The following LINGO2 variants were observed in gnomAD, a reference collection of about 807,000 sequenced individuals.
LINGO2 encodes leucine-rich repeat and immunoglobulin-like domain-containing nogo receptor-interacting protein 2.
In LINGO2, 14 loss-of-function variants were observed where a neutral mutation model predicts 30.6. That is an observed-to-expected ratio of 0.46 (90% CI 0.30 to 0.72). The LOEUF (loss-of-function observed/expected upper bound fraction) is 0.72. Among genes scored for constraint, LINGO2 ranks in the 30% least tolerant of loss-of-function variants. The probability of loss-of-function intolerance (pLI) is 0.07; values close to 1 mark genes in which losing one functional copy is unlikely to be tolerated. For missense variants in LINGO2, 729 were observed against 751.7 expected (o/e 0.97, Z 0.35); for synonymous variants, 317 against 288.5 (o/e 1.10, Z -1.00).
At chr9:28,706,489 G>A in the LINGO2 span, among the ~76,000 whole-genome samples, 2 of 152,072 alleles carry the variant, frequency 1.3e-5, no homozygotes, top group Admixed American at 6.6e-5. Flanking sequence ...AAAGAAAAAT[G>A]GTAGGCCTGA....
rs1478677566 is a variant in LINGO2, at chr9:28,651,303, A to G, written c.-365+18897T>C. On this transcript the variant is annotated intron_variant, in intron 1 of 5. Coordinates refer to ENST00000379992, the Ensembl canonical transcript of LINGO2. ...TGGACACAACTTATTCACACAGAATATACTGTTATAGCACTTTTTGAGCAG... is the reference window on the plus strand; with the variant it reads ...TGGACACAACTTATTCACACAGAATGTACTGTTATAGCACTTTTTGAGCAG... Among the ~76,000 whole-genome samples, 4 of 152,182 alleles carry G rather than the reference A, an allele frequency of 2.6e-5. No homozygotes were observed. The East Asian group carries it at 7.7e-4, about 29-fold the overall frequency.
intron 1 of LINGO2, among the ~76,000 whole-genome samples, chr9:28,479,725 G>T (rs1021311124): frequency 1.3e-5 from 2 of 150,866 alleles, no homozygotes; most frequent in South Asian, 2.1e-4. Flanking sequence ...AAACAACAAT[G>T]TATTTCAGGA....
chr9:28,999,886 A>C, the LINGO2 span, among the ~76,000 whole-genome samples: 1 of 146,602 alleles, frequency 6.8e-6, no homozygotes, highest in African/African-American at 2.6e-5. Flanking sequence ...CCTCCGATAC[A>C]TTTCTAAATA....
At chr9:28,486,044 T>C (rs755675356) in intron 1 of LINGO2, among the ~76,000 whole-genome samples, 1 of 152,046 alleles carries the variant, frequency 6.6e-6, no homozygotes, top group Non-Finnish European at 1.5e-5. Flanking sequence ...TGACTAACTT[T>C]TTGGTAGGAG....
the LINGO2 span, among the ~76,000 whole-genome samples, chr9:28,778,278 G>A: frequency 6.6e-6 from 1 of 152,094 alleles, no homozygotes; most frequent in Admixed American, 6.6e-5. Flanking sequence ...ATTTGGGTAA[G>A]ACCTTCATAA....
chr9:28,702,962 G>A, the LINGO2 span, among the ~76,000 whole-genome samples: 147 of 151,768 alleles, frequency 9.7e-4, no homozygotes, highest in African/African-American at 3.2e-3. Flanking sequence ...GATGTCTAAG[G>A]TATCTGTAGT....
the LINGO2 span, among the ~76,000 whole-genome samples, chr9:29,001,876 A>G: frequency 6.6e-6 from 1 of 151,928 alleles, no homozygotes; most frequent in Non-Finnish European, 1.5e-5. Context: ...CCCACCACTT[A>G]CAGGTGGAAT....
At chr9:29,032,097 G>A in the LINGO2 span, among the ~76,000 whole-genome samples, 2 of 152,086 alleles carry the variant, frequency 1.3e-5, no homozygotes, top group African/African-American at 4.8e-5. Context: ...GTAGAGTAGT[G>A]CATAAACTTC....
At chr9:28,090,790 T>C (rs1826057046) in intron 4 of LINGO2, among the ~76,000 whole-genome samples, 2 of 152,182 alleles carry the variant, frequency 1.3e-5, no homozygotes, top group Non-Finnish European at 2.9e-5. Context: ...TGTTTGCAGA[T>C]GACATGATTG....
intron 1 of LINGO2, among the ~76,000 whole-genome samples, chr9:28,616,090 T>C (rs1826119780): frequency 6.6e-6 from 1 of 152,118 alleles, no homozygotes; most frequent in East Asian, 1.9e-4. Context: ...ACATGGTATG[T>C]TCAATTTGTG....
the LINGO2 span, among the ~76,000 whole-genome samples, chr9:28,774,756 A>G: frequency 1.3e-5 from 2 of 152,204 alleles, no homozygotes; most frequent in Non-Finnish European, 2.9e-5. Flanking sequence ...GAATATCTAC[A>G]TTATAACACA....
the LINGO2 span, among the ~76,000 whole-genome samples, chr9:29,162,064 C>T: frequency 1.3e-5 from 2 of 151,998 alleles, no homozygotes; most frequent in African/African-American, 2.4e-5. Context: ...AGACTACAGG[C>T]ACCCGCCATC....
the LINGO2 span, among the ~76,000 whole-genome samples, chr9:28,692,973 T>C: frequency 6.6e-6 from 1 of 152,136 alleles, no homozygotes; most frequent in East Asian, 1.9e-4. Context: ...TATATTAAGG[T>C]ATTTAATAAT....
chr9:28,787,493 C>T, the LINGO2 span, among the ~76,000 whole-genome samples: 1 of 152,008 alleles, frequency 6.6e-6, no homozygotes, highest in African/African-American at 2.4e-5. Context: ...AACCTATTTC[C>T]TCAAAAAGGA....
chr9:27,943,820 C>T (rs981939766), downstream of LINGO2: 4 of 152,164 alleles, frequency 2.6e-5, no homozygotes, highest in Admixed American at 1.3e-4. Flanking sequence ...AATACCAAAG[C>T]TTTTCTCCTT....
the LINGO2 span, among the ~76,000 whole-genome samples, chr9:28,976,390 C>A: frequency 1.3e-5 from 2 of 152,076 alleles, no homozygotes; most frequent in Non-Finnish European, 2.9e-5. Flanking sequence ...ATTGTCATAC[C>A]ATGATCTGGA....
the LINGO2 span, among the ~76,000 whole-genome samples, chr9:29,163,246 C>T: frequency 1.3e-5 from 2 of 152,112 alleles, no homozygotes; most frequent in Admixed American, 1.3e-4. Flanking sequence ...ATACTGACAT[C>T]AGAAATGTCT....
intron 5 of LINGO2, among the ~76,000 whole-genome samples, chr9:27,981,052 T>C (rs760501513): frequency 8.6e-5 from 13 of 151,846 alleles, no homozygotes; most frequent in Non-Finnish European, 1.3e-4. Flanking sequence ...TTCCTTGGGA[T>C]TGCTGATGAG....
chr9:29,212,637 C>G, the LINGO2 span, among the ~76,000 whole-genome samples: 1 of 152,156 alleles, frequency 6.6e-6, no homozygotes, highest in African/African-American at 2.4e-5. Context: ...AACGAAAACC[C>G]AAAACCCAAA....
Sources: gnomAD v4.1 joint callset for allele counts (sites outside exome capture counted in the v4.1 genomes callset) on GRCh38, gnomAD v4.1.1 for gene constraint, MANE v1.5 for transcripts, NCBI Gene and HGNC (gene_info 2026-07-23, HGNC 2026-07-21) for gene names.